TSPAN18: variants seen among roughly 807,000 people sequenced by gnomAD.
The protein encoded by TSPAN18 is tetraspanin-18.
Under a neutral mutation model 27.3 loss-of-function variants are expected in TSPAN18, and 14 were observed. That is an observed-to-expected ratio of 0.51 (90% CI 0.34 to 0.80). The LOEUF (loss-of-function observed/expected upper bound fraction) is 0.80, where lower values mean the gene tolerates loss of function less well. Ranked by LOEUF, TSPAN18 falls within the 30% of genes least tolerant of loss-of-function variation. The probability of loss-of-function intolerance (pLI) is 0.01; values close to 1 mark genes in which losing one functional copy is unlikely to be tolerated. For missense variants in TSPAN18, 268 were observed against 323.9 expected (o/e 0.83, Z 1.32); for synonymous variants, 143 against 136.5 (o/e 1.05, Z -0.33).
At chr11:44,805,485 G>T (rs951801140) in intron 2 of TSPAN18, among the ~76,000 whole-genome samples, 1 of 152,180 alleles carries the variant, frequency 6.6e-6, no homozygotes, top group Non-Finnish European at 1.5e-5. Flanking sequence ...CAGGAAGCCC[G>T]TGTTCCTCTC....
intron 3 of TSPAN18, chr11:44,897,764 A>G (rs1434305584): frequency 1.6e-6 from 2 of 1,289,232 alleles, no homozygotes; most frequent in South Asian, 2.5e-5. Context: ...GGGCCGATAA[A>G]AGAAATATAC....
intron 2 of TSPAN18, among the ~76,000 whole-genome samples, chr11:44,847,356 C>A (rs1273456658): frequency 6.6e-6 from 1 of 152,194 alleles, no homozygotes; most frequent in African/African-American, 2.4e-5. Context: ...AGTTACATCA[C>A]CTCTTCTTTA....
chr11:44,783,432 T>C (rs1288487499), intron 2 of TSPAN18, among the ~76,000 whole-genome samples: 2 of 151,482 alleles, frequency 1.3e-5, no homozygotes, highest in Non-Finnish European at 2.9e-5. Flanking sequence ...GGAGTCTCGC[T>C]CTGTCGCCCA....
intron 3 of TSPAN18, among the ~76,000 whole-genome samples, chr11:44,885,009 C>G (rs1858600555): frequency 2.0e-5 from 3 of 152,192 alleles, no homozygotes; most frequent in African/African-American, 7.2e-5. Context: ...GTGGGGTTGT[C>G]CCAGAGTCAT....
In TSPAN18 at chr11:44,929,214, C is replaced by A. The variant is rs771710227; in HGVS notation, c.*36C>A. 2.5e-6 allele frequency: 4 copies of A among 1,612,886 alleles called. No individual in the cohort carries two copies. In the African/African-American group the frequency reaches 5.3e-5, roughly 22 times the overall value. ...CTGAAGCCTGAAGACTCGCCCCACC[C>A]ACCACTGCCCAGCACCCAGTGTCCT... On this transcript the variant is annotated 3_prime_UTR_variant, in exon 10 of 10. Coordinates refer to ENST00000520358, the MANE Select transcript of TSPAN18 (RefSeq NM_130783.5).
chr11:44,897,898 C>T (rs1859121549), intron 3 of TSPAN18: 1 of 1,269,872 alleles, frequency 7.9e-7, no homozygotes. Flanking sequence ...GGTCCCATCT[C>T]CACTCTGATC....
intron 2 of TSPAN18, among the ~76,000 whole-genome samples, chr11:44,855,794 C>A (rs1405754919): frequency 6.6e-6 from 1 of 150,454 alleles, no homozygotes. Context: ...ATCCACCCCA[C>A]CCCCCACCAT....
intron 1 of TSPAN18, among the ~76,000 whole-genome samples, chr11:44,745,813 G>A (rs1007232427): frequency 2.6e-5 from 4 of 152,180 alleles, no homozygotes; most frequent in Non-Finnish European, 5.9e-5. Context: ...GGATCACGAG[G>A]TCAGGAGATC....
chr11:44,867,680 C>T (rs186775387), intron 3 of TSPAN18, among the ~76,000 whole-genome samples: 6 of 152,114 alleles, frequency 3.9e-5, no homozygotes, highest in African/African-American at 7.2e-5. Flanking sequence ...ATTACAGGTA[C>T]GAGCCACCAC....
At chr11:44,763,970 T>A (rs955824563) in intron 1 of TSPAN18, among the ~76,000 whole-genome samples, 2 of 152,110 alleles carry the variant, frequency 1.3e-5, no homozygotes, top group African/African-American at 2.4e-5. Flanking sequence ...CAGCATCTGC[T>A]TCTGAAGAGG....
chr11:44,832,523 C>G (rs1012880353), intron 2 of TSPAN18, among the ~76,000 whole-genome samples: 1 of 152,214 alleles, frequency 6.6e-6, no homozygotes, highest in Non-Finnish European at 1.5e-5. Context: ...AAGAGCTTTT[C>G]CAGCTCTGGG....
At chr11:44,807,192 TAAAAAAAAAAAAAAAAAAAAAAAAA>T (rs1046665098) in intron 2 of TSPAN18, among the ~76,000 whole-genome samples, 1 of 67,320 alleles carries the variant, frequency 1.5e-5, no homozygotes, top group African/African-American at 8.2e-5. Flanking sequence ...CCCTGTCTCT[TAAAAAAAAAAAAAAAAAAAAAAAAA>T]AAAAAAAAAA....
intron 2 of TSPAN18, among the ~76,000 whole-genome samples, chr11:44,829,663 G>A (rs370604465): frequency 3.3e-5 from 5 of 152,010 alleles, no homozygotes; most frequent in South Asian, 2.1e-4. Context: ...GGTTTTTTGC[G>A]TGGATACAAA....
intron 9 of TSPAN18, among the ~76,000 whole-genome samples, chr11:44,927,884 G>A (rs1316309174): frequency 6.6e-6 from 1 of 152,226 alleles, no homozygotes; most frequent in East Asian, 1.9e-4. Flanking sequence ...GATTACAGAT[G>A]ACGGGGACAG....
At chr11:44,889,952 C>G (rs1168037612) in intron 3 of TSPAN18, among the ~76,000 whole-genome samples, 1 of 152,196 alleles carries the variant, frequency 6.6e-6, no homozygotes, top group East Asian at 1.9e-4. Context: ...CCCTGTTCTC[C>G]CTGTGACCCA....
rs1218984300 is a variant in TSPAN18, at chr11:44,930,934, C to T, written c.*1756C>T. 1 of 519,120 alleles carries T rather than the reference C, an allele frequency of 1.9e-6. No individual in the cohort carries two copies. 32.2% of individuals were successfully genotyped at this position (519,120 alleles called of 1,614,324 possible). ...GCTTCCAGCCTCCCCTCAGGCTTTC[C>T]AGTCACCAGGGACACTCGGAGCCAC... On this transcript the variant is annotated 3_prime_UTR_variant, in exon 10 of 10. Coordinates refer to ENST00000520358, the MANE Select transcript of TSPAN18 (RefSeq NM_130783.5).
intron 2 of TSPAN18, among the ~76,000 whole-genome samples, chr11:44,772,703 G>A (rs1019958321): frequency 1.3e-5 from 2 of 152,024 alleles, no homozygotes; most frequent in African/African-American, 2.4e-5. Flanking sequence ...ATTGTTGCCT[G>A]GCTGGAGTGC....
At chr11:44,808,274 G>A (rs1030778792) in intron 2 of TSPAN18, among the ~76,000 whole-genome samples, 33 of 152,184 alleles carry the variant, frequency 2.2e-4, no homozygotes, top group African/African-American at 6.8e-4. Flanking sequence ...GTGGTGCGAG[G>A]ATTGGAAACC....
chr11:44,792,607 G>C (rs1015018029), intron 2 of TSPAN18, among the ~76,000 whole-genome samples: 2 of 152,164 alleles, frequency 1.3e-5, no homozygotes, highest in Non-Finnish European at 2.9e-5. Flanking sequence ...AAGGAGCCGG[G>C]GCCTCTCCAT....
Sources: gnomAD v4.1 joint callset for allele counts (sites outside exome capture counted in the v4.1 genomes callset) on GRCh38, gnomAD v4.1.1 for gene constraint, MANE v1.5 for transcripts, NCBI Gene and HGNC (gene_info 2026-07-23, HGNC 2026-07-21) for gene names.